The following RAB11FIP4 variants were observed in gnomAD, a reference collection of about 807,000 sequenced individuals.
The protein encoded by RAB11FIP4 is RAB11 family interacting protein 4.
Under a neutral mutation model 74.3 loss-of-function variants are expected in RAB11FIP4, and 23 were observed. That is an observed-to-expected ratio of 0.31 (90% CI 0.22 to 0.44). The LOEUF (loss-of-function observed/expected upper bound fraction) is 0.44, where lower values mean the gene tolerates loss of function less well. RAB11FIP4 is among the 20% of genes least tolerant of loss of function. The pLI is 1.00. For synonymous variants in RAB11FIP4, 360 were observed against 359.9 expected (o/e 1.00, Z 0.00); for missense variants, 630 against 863.9 (o/e 0.73, Z 3.39).
At chr17:31,525,003 C>T (rs528202655) in intron 9 of RAB11FIP4, 87 bp from the exon 10 acceptor site, 3 of 1,513,876 alleles carry the variant, frequency 2.0e-6, no homozygotes, top group African/African-American at 1.4e-5. Context: ...GACTCAGGGT[C>T]TCGGGGCCCA....
At chr17:31,476,903 T>C (rs1197470805) in intron 3 of RAB11FIP4, among the ~76,000 whole-genome samples, 1 of 152,212 alleles carries the variant, frequency 6.6e-6, no homozygotes, top group Non-Finnish European at 1.5e-5. Context: ...AGGAGGCATC[T>C]GTGACTGAGC....
At chr17:31,531,571 C>A in intron 14 of RAB11FIP4, 45 bp from the exon 15 acceptor site, 2 of 1,332,496 alleles carry the variant, frequency 1.5e-6, no homozygotes, top group South Asian at 1.2e-5. Flanking sequence ...TGCCTGCACC[C>A]TATCCCAGGC....
chr17:31,437,227 G>A (rs1209015665), intron 3 of RAB11FIP4, among the ~76,000 whole-genome samples: 1 of 152,130 alleles, frequency 6.6e-6, no homozygotes, highest in African/African-American at 2.4e-5. Flanking sequence ...TCCCTACCAT[G>A]GGCTTCTGCG....
chr17:31,467,099 C>CTTTCTTTTCT (rs137979635), intron 3 of RAB11FIP4, among the ~76,000 whole-genome samples: 5,583 of 148,938 alleles, frequency 0.037, 130 homozygotes, highest in African/African-American at 0.046. Context: ...CTGAGTATTT[C>CTTTCTTTTCT]TTTCTTTTCT....
chr17:31,524,189 G>A (rs1953306532), intron 9 of RAB11FIP4, 193 bp downstream of exon 9: 1 of 573,192 alleles, frequency 1.7e-6, no homozygotes, highest in East Asian at 2.9e-5. Flanking sequence ...CAGGGAGACA[G>A]GTTGGAGCTT....
At chr17:31,496,266 T>G (rs570943242) in intron 3 of RAB11FIP4, among the ~76,000 whole-genome samples, 2 of 152,218 alleles carry the variant, frequency 1.3e-5, no homozygotes, top group Non-Finnish European at 2.9e-5. Context: ...CTGTGTGGCC[T>G]TGGCAAAGTA....
chr17:31,425,073 G>A (rs952325510), intron 1 of RAB11FIP4, among the ~76,000 whole-genome samples: 3 of 152,164 alleles, frequency 2.0e-5, no homozygotes, highest in Admixed American at 2.0e-4. Context: ...ATGGAGTCTG[G>A]AACCAGGCCT....
chr17:31,523,797 G>C (rs1321025065), intron 8 of RAB11FIP4, 96 bp from the exon 9 acceptor site: 1 of 1,059,562 alleles, frequency 9.4e-7, no homozygotes, highest in Non-Finnish European at 1.4e-6. Flanking sequence ...GATACACAGT[G>C]GTTTGGAGGT....
intron 3 of RAB11FIP4, among the ~76,000 whole-genome samples, chr17:31,510,363 G>T (rs562775079): frequency 6.6e-6 from 1 of 152,200 alleles, no homozygotes; most frequent in South Asian, 2.1e-4. Flanking sequence ...CACCCCCACC[G>T]CACACATGCA....
In RAB11FIP4 at chr17:31,499,191, T is replaced by C. The variant is rs867734543; in HGVS notation, c.337-18460T>C. 1.5e-4 allele frequency among the ~76,000 whole-genome samples: 23 copies of C among 152,290 alleles called. No homozygotes were observed. In the Middle Eastern group the frequency reaches 0.017, roughly 113 times the overall value. On this transcript the variant is annotated intron_variant, in intron 3 of 14. Coordinates refer to ENST00000621161, the MANE Select transcript of RAB11FIP4 (RefSeq NM_032932.6). Reference sequence around the variant, plus strand: ...ATTTGGGAAATCTTTTCTGAGAATTTAGATGGGACGATTTAAATTAGGGAA... The same window carrying C: ...ATTTGGGAAATCTTTTCTGAGAATTCAGATGGGACGATTTAAATTAGGGAA...
chr17:31,524,160 C>T (rs886558642), intron 9 of RAB11FIP4, 164 bp downstream of exon 9: 1 of 607,704 alleles, frequency 1.6e-6, no homozygotes, highest in Non-Finnish European at 2.9e-6. Flanking sequence ...ATGTGGTGCC[C>T]AGGACAGGAC....
At chr17:31,498,297 A>AC (rs986642153) in intron 3 of RAB11FIP4, among the ~76,000 whole-genome samples, 3 of 151,820 alleles carry the variant, frequency 2.0e-5, no homozygotes, top group Admixed American at 6.6e-5. Flanking sequence ...ACACCCCCCA[A>AC]CCCCCCATGC....
intron 3 of RAB11FIP4, among the ~76,000 whole-genome samples, chr17:31,478,968 T>G: frequency 6.6e-6 from 1 of 152,180 alleles, no homozygotes; most frequent in South Asian, 2.1e-4. Flanking sequence ...CCCAGGCAAT[T>G]CCGGTTGCTG....
rs2072746715 is a variant in RAB11FIP4, at chr17:31,525,304, TC to T, written c.1274+78del. 2.1e-6 allele frequency: 3 copies of T among 1,419,344 alleles called. No individual in the cohort carries two copies. The Admixed American group carries it at 8.1e-5, about 39-fold the overall frequency. The allele number at this position is 1,419,344 out of a possible 1,614,324, so 87.9% of individuals were successfully genotyped here. The stretch of plus-strand genomic sequence containing the variant: ...GGGCAGCCCTGTGGGATAGGCGCTA[TC>T]CCCATTTTATAGATGGGAATGTGAG... On this transcript the variant is annotated intron_variant, in intron 10 of 14. Transcript: ENST00000621161.
chr17:31,461,721 CTTT>C (rs143304350), intron 3 of RAB11FIP4, among the ~76,000 whole-genome samples: 4 of 142,828 alleles, frequency 2.8e-5, no homozygotes, highest in Non-Finnish European at 3.1e-5. Context: ...TGCACCCAGC[CTTT>C]TTTTTTTTTT....
chr17:31,472,437 A>C (rs1156688616), intron 3 of RAB11FIP4, among the ~76,000 whole-genome samples: 1 of 152,206 alleles, frequency 6.6e-6, no homozygotes, highest in East Asian at 1.9e-4. Context: ...ATTCAGAGAC[A>C]CGGCCACAGG....
chr17:31,456,226 T>C (rs178870), intron 3 of RAB11FIP4, among the ~76,000 whole-genome samples: 95,687 of 152,070 alleles, frequency 0.63, 30,942 homozygotes, highest in African/African-American at 0.78. Context: ...TGATCCAATA[T>C]ATTCTTTTTT....
Position 31,412,374 on chromosome 17 carries a change from C to T in RAB11FIP4, c.160-19439C>T, listed in dbSNP as rs548518836. Among the ~76,000 whole-genome samples the T allele has an allele frequency of 9.2e-5, 14 of 152,290 alleles. No individual in the cohort carries two copies. In the East Asian group the frequency reaches 2.5e-3, roughly 27 times the overall value. ...GGTCAAGCAATGTGGAAATGGAGCC[C>T]GCTCCCCCTTCACTTTAGTCCAGGA... is the stretch of plus-strand genomic sequence containing the variant. On this transcript the variant is annotated intron_variant, in intron 1 of 14. Transcript: ENST00000621161.
At chr17:31,489,841 G>C (rs1466645326) in intron 3 of RAB11FIP4, among the ~76,000 whole-genome samples, 1 of 152,076 alleles carries the variant, frequency 6.6e-6, no homozygotes, top group Admixed American at 6.5e-5. Flanking sequence ...TGAAGGGGGG[G>C]CCTGGACTTA....
Sources: gnomAD v4.1 joint callset for allele counts (sites outside exome capture counted in the v4.1 genomes callset) on GRCh38, gnomAD v4.1.1 for gene constraint, MANE v1.5 for transcripts, NCBI Gene and HGNC (gene_info 2026-07-23, HGNC 2026-07-21) for gene names.